The following LIPA variants were observed in gnomAD, a reference collection of about 807,000 sequenced individuals.
LIPA encodes the protein lysosomal acid lipase/cholesteryl ester hydrolase.
A neutral mutation model predicts 40.6 loss-of-function variants in LIPA; 26 were observed. That is an observed-to-expected ratio of 0.64 (90% CI 0.47 to 0.89). LIPA has a LOEUF of 0.89. Ranked by LOEUF, LIPA falls within the 40% of genes least tolerant of loss-of-function variation. The pLI, the probability that LIPA is intolerant of heterozygous loss-of-function variation, is 0.00. For missense variants in LIPA, 455 were observed against 479.6 expected (o/e 0.95, Z 0.48); for synonymous variants, 188 against 168.4 (o/e 1.12, Z -0.90).
chr10:89,321,886 G>T (rs1281291072), intron 1 of LIPA, among the ~76,000 whole-genome samples: 1 of 151,906 alleles, frequency 6.6e-6, no homozygotes, highest in African/African-American at 2.4e-5. Flanking sequence ...ATACTATGCA[G>T]CCATAAAAAA....
rs530864822 is a variant in LIPA at position 89,387,899 on chromosome 10, C to T, written c.61+24892G>A. On this transcript the variant is annotated intron_variant, in intron 2 of 8. Transcript: ENST00000371837. ...ACTCTCAACTTTTCTCTCTGCTTGACCATGTATAATAATAAAATGTTTGGA... is the reference window on the plus strand; with the variant it reads ...ACTCTCAACTTTTCTCTCTGCTTGATCATGTATAATAATAAAATGTTTGGA... Among the ~76,000 whole-genome samples, 68 of 151,996 alleles carry T rather than the reference C, an allele frequency of 4.5e-4. 1 individual carries two copies. The South Asian group carries it at 0.014, about 32-fold the overall frequency.
intron 1 of LIPA, among the ~76,000 whole-genome samples, chr10:89,266,486 C>T (rs1027499574): frequency 2.6e-5 from 4 of 152,114 alleles, no homozygotes; most frequent in Admixed American, 6.5e-5. Flanking sequence ...TATAAAATTA[C>T]CTTCGGGCTA....
intron 2 of LIPA, among the ~76,000 whole-genome samples, chr10:89,386,117 G>A (rs1844208880): frequency 1.3e-5 from 2 of 152,156 alleles, no homozygotes; most frequent in Non-Finnish European, 2.9e-5. Flanking sequence ...ATAGCACGCT[G>A]CAGCCTTAAA....
intron 1 of LIPA, among the ~76,000 whole-genome samples, chr10:89,269,377 C>T (rs756878085): frequency 1.3e-5 from 2 of 152,012 alleles, no homozygotes; most frequent in Non-Finnish European, 2.9e-5. Flanking sequence ...AGCCAGGATA[C>T]GCTCTATATC....
chr10:89,275,136 C>T (rs1843283430), intron 1 of LIPA, among the ~76,000 whole-genome samples: 1 of 152,124 alleles, frequency 6.6e-6, no homozygotes, highest in Non-Finnish European at 1.5e-5. Context: ...AGTCAGTAGA[C>T]ATTTTTGCAT....
chr10:89,293,160 T>A (rs1843385925), intron 1 of LIPA, among the ~76,000 whole-genome samples: 1 of 152,088 alleles, frequency 6.6e-6, no homozygotes, highest in South Asian at 2.1e-4. Flanking sequence ...GAGCTGATGG[T>A]TTTATAAGCA....
At chr10:89,244,368 G>A (rs1055698650) in intron 3 of LIPA, among the ~76,000 whole-genome samples, 1 of 152,166 alleles carries the variant, frequency 6.6e-6, no homozygotes, top group Admixed American at 6.5e-5. Context: ...TGAGGCAAAG[G>A]TGGCTCTTTT....
intron 3 of LIPA, among the ~76,000 whole-genome samples, chr10:89,236,824 A>G (rs1436119078): frequency 6.6e-6 from 1 of 152,250 alleles, no homozygotes; most frequent in Non-Finnish European, 1.5e-5. Context: ...AATATTCAAG[A>G]TAAAGCAAGA....
intron 2 of LIPA, among the ~76,000 whole-genome samples, chr10:89,379,936 G>A (rs1844150232): frequency 6.6e-6 from 1 of 152,010 alleles, no homozygotes; most frequent in Non-Finnish European, 1.5e-5. Context: ...TCAGGAGGCT[G>A]AGGCAGGAGA....
chr10:89,290,462 T>G (rs754406111), intron 1 of LIPA, among the ~76,000 whole-genome samples: 92 of 152,084 alleles, frequency 6.0e-4, no homozygotes, highest in Non-Finnish European at 1.0e-3. Flanking sequence ...TCAATACTAT[T>G]TTATGCTATT....
chr10:89,231,659 A>G (rs1283372204), intron 3 of LIPA, among the ~76,000 whole-genome samples: 1 of 152,132 alleles, frequency 6.6e-6, no homozygotes, highest in African/African-American at 2.4e-5. Context: ...AAAACTTTTC[A>G]TAGAGATGAG....
At chr10:89,257,934 C>T (rs531097052) in intron 1 of LIPA, among the ~76,000 whole-genome samples, 6 of 152,250 alleles carry the variant, frequency 3.9e-5, no homozygotes, top group South Asian at 4.1e-4. Context: ...CACCTGCAAA[C>T]GGTAAGATCC....
At chr10:89,365,205 C>T (rs1351606420) in intron 2 of LIPA, among the ~76,000 whole-genome samples, 3 of 152,176 alleles carry the variant, frequency 2.0e-5, no homozygotes, top group Admixed American at 2.0e-4. Flanking sequence ...GCTCTCCTGG[C>T]CTCTCCTTGA....
intron 2 of LIPA, chr10:89,393,369 A>G: frequency 9.0e-7 from 1 of 1,108,794 alleles, no homozygotes; most frequent in Non-Finnish European, 1.2e-6. Context: ...GATGATCCAC[A>G]TCTGCTTGGG....
At chr10:89,375,565 A>T (rs1178377899) in intron 2 of LIPA, among the ~76,000 whole-genome samples, 1 of 152,136 alleles carries the variant, frequency 6.6e-6, no homozygotes, top group African/African-American at 2.4e-5. Context: ...TGATTCTGTC[A>T]CCTGACAGGT....
At chr10:89,410,772 G>A (rs558205691) in intron 2 of LIPA, among the ~76,000 whole-genome samples, 4 of 152,308 alleles carry the variant, frequency 2.6e-5, no homozygotes, top group South Asian at 2.1e-4. Context: ...GTTATTGCAC[G>A]CGGTGCAAAA....
intron 2 of LIPA, among the ~76,000 whole-genome samples, chr10:89,411,793 C>A (rs1333580301): frequency 6.6e-6 from 1 of 152,154 alleles, no homozygotes; most frequent in Non-Finnish European, 1.5e-5. Flanking sequence ...CGAGATGCCA[C>A]CCGGTGTTTA....
At chr10:89,329,064 G>A (rs1295578115) in intron 1 of LIPA, among the ~76,000 whole-genome samples, 1 of 152,138 alleles carries the variant, frequency 6.6e-6, no homozygotes, top group Non-Finnish European at 1.5e-5. Flanking sequence ...TCAGGGGATA[G>A]CATGTTAGGG....
chr10:89,327,622 T>C (rs1031202585), intron 1 of LIPA, among the ~76,000 whole-genome samples: 10 of 152,114 alleles, frequency 6.6e-5, no homozygotes, highest in African/African-American at 2.4e-4. Context: ...AAGGATGTAA[T>C]GAGGCATATC....
Sources: gnomAD v4.1 joint callset for allele counts (sites outside exome capture counted in the v4.1 genomes callset) on GRCh38, gnomAD v4.1.1 for gene constraint, MANE v1.5 for transcripts, NCBI Gene and HGNC (gene_info 2026-07-23, HGNC 2026-07-21) for gene names.